The following DPP10 variants were observed in gnomAD, a reference collection of about 807,000 sequenced individuals.
The protein encoded by DPP10 is dipeptidyl peptidase like 10, also known as inactive dipeptidyl peptidase 10.
In DPP10, 33 loss-of-function variants were observed where a neutral mutation model predicts 120.9. The ratio of observed to expected loss-of-function variants is 0.27; its 90% confidence interval spans 0.21 to 0.37. The LOEUF (loss-of-function observed/expected upper bound fraction) is 0.37. DPP10 is among the 10% of genes least tolerant of loss of function. The pLI, the probability that DPP10 is intolerant of heterozygous loss-of-function variation, is 1.00. For missense variants in DPP10, 816 were observed against 942.8 expected (o/e 0.87, Z 1.76); for synonymous variants, 337 against 326.1 (o/e 1.03, Z -0.36).
At chr2:115,383,188 C>G (rs1231199222) in intron 3 of DPP10, among the ~76,000 whole-genome samples, 2 of 152,172 alleles carry the variant, frequency 1.3e-5, no homozygotes, top group East Asian at 3.8e-4. Flanking sequence ...CAAATCTCAT[C>G]TTGAATCCCC....
At chr2:114,676,212 A>T (rs190599684) in intron 1 of DPP10, among the ~76,000 whole-genome samples, 3 of 152,308 alleles carry the variant, frequency 2.0e-5, no homozygotes, top group African/African-American at 7.2e-5. Context: ...ACAATTTGAG[A>T]CAATGCTGAT....
At chr2:115,361,089 C>G (rs2064735085) in intron 3 of DPP10, among the ~76,000 whole-genome samples, 1 of 152,066 alleles carries the variant, frequency 6.6e-6, no homozygotes, top group South Asian at 2.1e-4. Flanking sequence ...GGAGCTCCCT[C>G]AGGCAGAGGC....
chr2:114,695,777 T>C (rs1314427197), intron 1 of DPP10, among the ~76,000 whole-genome samples: 2 of 152,126 alleles, frequency 1.3e-5, no homozygotes, highest in African/African-American at 4.8e-5. Context: ...TGTAAAAATT[T>C]AGAGTACTTC....
intron 1 of DPP10, among the ~76,000 whole-genome samples, chr2:115,138,076 T>A (rs1032522702): frequency 6.6e-6 from 1 of 152,208 alleles, no homozygotes. Flanking sequence ...AAAGAGTTTT[T>A]AAATTCTAAT....
chr2:115,692,034 T>G (rs112348009), intron 7 of DPP10, among the ~76,000 whole-genome samples: 1,679 of 152,180 alleles, frequency 0.011, 37 homozygotes, highest in African/African-American at 0.039. Context: ...TATTATGCTT[T>G]TTGTTAATAA....
chr2:114,750,265 T>A (rs1679075617), intron 1 of DPP10, among the ~76,000 whole-genome samples: 1 of 150,782 alleles, frequency 6.6e-6, no homozygotes, highest in South Asian at 2.1e-4. Flanking sequence ...AAAAAAAAAA[T>A]AAGATAAAAA....
intron 1 of DPP10, among the ~76,000 whole-genome samples, chr2:115,182,154 G>A (rs2105151759): frequency 6.6e-6 from 1 of 152,128 alleles, no homozygotes; most frequent in South Asian, 2.1e-4. Flanking sequence ...TGAAAAAGAT[G>A]GTATATTCCA....
chr2:114,513,281 G>A (rs548846451), intron 1 of DPP10, among the ~76,000 whole-genome samples: 2 of 152,240 alleles, frequency 1.3e-5, no homozygotes, highest in Admixed American at 1.3e-4. Flanking sequence ...CCAGCACTTT[G>A]GGAGGCCGAG....
In DPP10 at chr2:114,690,152, T is replaced by C. The variant is rs563977010; in HGVS notation, c.60+247314T>C. Reference sequence around the variant, plus strand: ...TTTTGTTGATATCATTATAAAATCTTTGCCCATGCCTATATACTGAATGGT... The same window carrying C: ...TTTTGTTGATATCATTATAAAATCTCTGCCCATGCCTATATACTGAATGGT... On this transcript the variant is annotated intron_variant, in intron 1 of 25. Transcript: ENST00000410059. 1.2e-4 allele frequency among the ~76,000 whole-genome samples: 19 copies of C among 152,244 alleles called. 1 individual carries two copies. The highest frequency in any genetic ancestry group is 4.6e-4 in the African/African-American group (19 of 41,570).
At position 114,946,418 on chromosome 2, in the gene DPP10, A is replaced by G. The variant is rs189964013; in HGVS notation, c.61-362821A>G. 7.5e-4 allele frequency among the ~76,000 whole-genome samples: 114 copies of G among 152,296 alleles called. 1 individual carries two copies. The highest frequency in any genetic ancestry group is 8.8e-5 in the Non-Finnish European group (6 of 67,994). On this transcript the variant is annotated intron_variant, in intron 1 of 25. Transcript: ENST00000410059. ...GTTCTAGACCTGTTTTACAATGTGA[A>G]AATATGTAACACTACTAATTTATAC...
chr2:114,571,170 G>C (rs906409713), intron 1 of DPP10, among the ~76,000 whole-genome samples: 4 of 152,092 alleles, frequency 2.6e-5, no homozygotes, highest in African/African-American at 9.7e-5. Flanking sequence ...GCTGGAGACG[G>C]GGCGTACTGG....
At chr2:115,801,845 T>A (rs1364977231) in intron 19 of DPP10, among the ~76,000 whole-genome samples, 1 of 152,212 alleles carries the variant, frequency 6.6e-6, no homozygotes, top group Non-Finnish European at 1.5e-5. Context: ...CAGTATTTTA[T>A]TGAGGATTTT....
chr2:115,476,367 T>C (rs1327335210), intron 3 of DPP10, among the ~76,000 whole-genome samples: 1 of 152,164 alleles, frequency 6.6e-6, no homozygotes, highest in Non-Finnish European at 1.5e-5. Flanking sequence ...GTAAGCTTCC[T>C]GAGGCCTCTC....
chr2:114,924,446 G>A (rs1036561269), intron 1 of DPP10, among the ~76,000 whole-genome samples: 1 of 151,724 alleles, frequency 6.6e-6, no homozygotes, highest in African/African-American at 2.4e-5. Flanking sequence ...AGAATCGCTT[G>A]AACCTGGGAG....
At chr2:114,542,110 C>T (rs1573609168) in intron 1 of DPP10, among the ~76,000 whole-genome samples, 1 of 142,920 alleles carries the variant, frequency 7.0e-6, no homozygotes, top group African/African-American at 2.6e-5. Flanking sequence ...TGCAGTGGCG[C>T]GATCTTGGCT....
chr2:115,736,870 T>C (rs1020012506), intron 8 of DPP10, among the ~76,000 whole-genome samples: 12 of 152,174 alleles, frequency 7.9e-5, no homozygotes, highest in African/African-American at 2.9e-4. Flanking sequence ...TTGTTTTTCC[T>C]AAACCTCCCT....
chr2:114,772,662 CT>C (rs34802599), intron 1 of DPP10, among the ~76,000 whole-genome samples: 8,987 of 145,070 alleles, frequency 0.062, 276 homozygotes, highest in South Asian at 0.12. Context: ...CACCTCATAC[CT>C]TTTTTTTTTT....
At chr2:115,177,700 A>G (rs2053786318) in intron 1 of DPP10, among the ~76,000 whole-genome samples, 1 of 152,180 alleles carries the variant, frequency 6.6e-6, no homozygotes, top group Non-Finnish European at 1.5e-5. Flanking sequence ...TTTTATAAAA[A>G]TGTTAGCAGA....
At chr2:115,749,992 T>C (rs1678499937) in intron 10 of DPP10, 1 of 985,332 alleles carries the variant, frequency 1.0e-6, no homozygotes, top group Non-Finnish European at 1.2e-6. Context: ...TCTCTGTGGC[T>C]CAAGAGGACC....
Sources: gnomAD v4.1 joint callset for allele counts (sites outside exome capture counted in the v4.1 genomes callset) on GRCh38, gnomAD v4.1.1 for gene constraint, MANE v1.5 for transcripts, NCBI Gene and HGNC (gene_info 2026-07-23, HGNC 2026-07-21) for gene names.